The following ATP6V1H variants were observed in gnomAD, a reference collection of about 807,000 sequenced individuals.
ATP6V1H encodes the protein ATPase H+ transporting V1 subunit H, also known as V-type proton ATPase subunit H.
A neutral mutation model predicts 71.7 loss-of-function variants in ATP6V1H; 39 were observed. That is an observed-to-expected ratio of 0.54 (90% CI 0.42 to 0.71). ATP6V1H has a LOEUF of 0.71. Among genes scored for constraint, ATP6V1H ranks in the 30% least tolerant of loss-of-function variants. The pLI, the probability that ATP6V1H is intolerant of heterozygous loss-of-function variation, is 0.00. For missense variants in ATP6V1H, 509 were observed against 594.9 expected, an observed-to-expected ratio of 0.86 and a Z score of 1.50; for synonymous variants, 192 against 199.3, an observed-to-expected ratio of 0.96 and a Z score of 0.31.
chr8:53,770,576 C>T (rs1808619101), intron 10 of ATP6V1H, among the ~76,000 whole-genome samples: 2 of 152,062 alleles, frequency 1.3e-5, no homozygotes, highest in South Asian at 4.2e-4. Flanking sequence ...TAATGTAGGG[C>T]CAGTTAGTAT....
At chr8:53,782,171 G>A (rs1304967355) in intron 9 of ATP6V1H, among the ~76,000 whole-genome samples, 2 of 152,230 alleles carry the variant, frequency 1.3e-5, no homozygotes, top group East Asian at 3.9e-4. Flanking sequence ...TCCTACCCAT[G>A]AGCATGGAAT....
chr8:53,828,246 T>C (rs1810885626), intron 4 of ATP6V1H, among the ~76,000 whole-genome samples: 1 of 152,142 alleles, frequency 6.6e-6, no homozygotes, highest in Non-Finnish European at 1.5e-5. Flanking sequence ...TTTCTGTGTA[T>C]TTTAGGGTAG....
Position 53,715,967 on chromosome 8 carries a change from G to A in ATP6V1H, c.1449C>T (p.Ser483=), listed in dbSNP as rs1400184806. Residue 483 remains serine (S), a synonymous_variant, in exon 14 of 14, where the codon AGC becomes AGT. Transcript: ENST00000359530. ...GAGGGGAAGGCCAGAGGCAGGCTTA[G>A]CTTCGGGCGGCAGCGGTCTGGGGCT... The part of the protein sequence containing the change: ...SEQPQTAAAR[S] 1.9e-6 allele frequency: 3 copies of A among 1,607,898 alleles called. No individual in the cohort carries two copies. The highest frequency in any genetic ancestry group is 2.5e-6 in the Non-Finnish European group (3 of 1,177,954).
chr8:53,832,561 C>A (rs2130527746), intron 3 of ATP6V1H: 1 of 152,032 alleles, frequency 6.6e-6, no homozygotes, highest in East Asian at 1.9e-4. Flanking sequence ...ATGCCACCGC[C>A]AAAAAAATTT....
intron 13 of ATP6V1H, among the ~76,000 whole-genome samples, chr8:53,721,795 CAATTT>C (rs999587649): frequency 4.6e-5 from 7 of 152,318 alleles, no homozygotes; most frequent in South Asian, 2.1e-4. Flanking sequence ...TGCAAATCCT[CAATTT>C]ATTTTCTCAA....
At chr8:53,838,079 C>G (rs1811218442) in intron 2 of ATP6V1H, among the ~76,000 whole-genome samples, 1 of 152,002 alleles carries the variant, frequency 6.6e-6, no homozygotes, top group African/African-American at 2.4e-5. Context: ...GACCTCCCTT[C>G]CTAGATAACT....
intron 12 of ATP6V1H, among the ~76,000 whole-genome samples, chr8:53,746,765 A>T (rs1413552736): frequency 1.3e-5 from 2 of 151,984 alleles, no homozygotes; most frequent in Non-Finnish European, 2.9e-5. Context: ...CAATATCATG[A>T]ATGCTTGAAA....
chr8:53,829,439 C>T lies in ATP6V1H; in HGVS notation c.306+5G>A. 1 of 1,591,672 alleles carries T rather than the reference C, an allele frequency of 6.3e-7. No individual in the cohort carries two copies. Among genetic ancestry groups the T allele is most frequent in the Non-Finnish European group, 8.6e-7 (1 of 1,164,830 alleles). Reference sequence around the variant, plus strand: ...CCAAATGTGTTAAGTAAAGAATATACCTACCTGCAGCATATCATCCACCAT... The same window carrying T: ...CCAAATGTGTTAAGTAAAGAATATATCTACCTGCAGCATATCATCCACCAT... On this transcript the variant is annotated splice_donor_5th_base_variant and intron_variant, in intron 4 of 13. Coordinates refer to ENST00000359530, the MANE Select transcript of ATP6V1H (RefSeq NM_015941.4).
intron 7 of ATP6V1H, among the ~76,000 whole-genome samples, chr8:53,810,938 C>G (rs552451040): frequency 6.6e-6 from 1 of 152,112 alleles, no homozygotes; most frequent in South Asian, 2.1e-4. Flanking sequence ...CAAAAGTCAC[C>G]TGGAAAAAAG....
chr8:53,811,143 C>G lies in ATP6V1H; in HGVS notation c.579+21G>C, dbSNP rs778281269. On this transcript the variant is annotated intron_variant, in intron 7 of 13. Transcript: ENST00000359530. ...ATAATTTATTTTGGGGATGTTTAGG[C>G]CAGTGAAGGAATATACTTACATCAC... 5 of 1,606,472 alleles carry G rather than the reference C, an allele frequency of 3.1e-6. No individual in the cohort carries two copies. In the East Asian group the frequency reaches 1.1e-4, roughly 36 times the overall value.
intron 2 of ATP6V1H, among the ~76,000 whole-genome samples, chr8:53,836,938 C>G (rs1185770676): frequency 6.6e-6 from 1 of 152,104 alleles, no homozygotes; most frequent in Middle Eastern, 3.4e-3. Context: ...GTCAAGAGTT[C>G]GAGACCAGCC....
chr8:53,789,858 A>G (rs1809514197), intron 9 of ATP6V1H, among the ~76,000 whole-genome samples: 1 of 152,234 alleles, frequency 6.6e-6, no homozygotes, highest in Admixed American at 6.5e-5. Flanking sequence ...TCACTTCCAC[A>G]TTAACTAATT....
At position 53,822,485 on chromosome 8, in the gene ATP6V1H, CAG is replaced by C. The variant is rs1221886251; in HGVS notation, c.307-4957_307-4956del. On this transcript the variant is annotated intron_variant, in intron 4 of 13. Transcript: ENST00000359530. ...CAAGTGAAATTATAAATGAATAAAACAGGGGATTAACAGCATTAAAGGGATAT... is the reference window on the plus strand; with the variant it reads ...CAAGTGAAATTATAAATGAATAAAACGGGATTAACAGCATTAAAGGGATAT... Among the ~76,000 whole-genome samples the C allele has an allele frequency of 5.3e-5, 8 of 151,778 alleles. No individual in the cohort carries two copies. The South Asian group carries it at 6.2e-4, about 12-fold the overall frequency.
At chr8:53,734,339 T>A (rs1288622924) in intron 13 of ATP6V1H, among the ~76,000 whole-genome samples, 1 of 152,160 alleles carries the variant, frequency 6.6e-6, no homozygotes, top group East Asian at 1.9e-4. Flanking sequence ...GACTGGGAGC[T>A]GTATGTGGAT....
Position 53,815,842 on chromosome 8 carries a change from C to CA in ATP6V1H, c.421-1077dup, listed in dbSNP as rs529674592. Reference sequence around the variant, plus strand: ...GCATAAGCTAGCATAAGCTCTTTATCAGCACATGGTTAAACCAATGGGAGT... The same window carrying CA: ...GCATAAGCTAGCATAAGCTCTTTATCAAGCACATGGTTAAACCAATGGGAGT... On this transcript the variant is annotated intron_variant, in intron 5 of 13. Transcript: ENST00000359530. Among the ~76,000 whole-genome samples the CA allele has an allele frequency of 2.3e-3, 344 of 152,328 alleles. 2 individuals carry two copies. Among genetic ancestry groups the CA allele is most frequent in the African/African-American group, 7.9e-3 (327 of 41,572 alleles).
At chr8:53,755,481 T>C (rs1393581891) in intron 12 of ATP6V1H, among the ~76,000 whole-genome samples, 1 of 142,688 alleles carries the variant, frequency 7.0e-6, no homozygotes, top group African/African-American at 2.6e-5. Flanking sequence ...CAAGCAGCCC[T>C]TTCCCTTATG....
intron 9 of ATP6V1H, among the ~76,000 whole-genome samples, chr8:53,773,857 T>C (rs1202837793): frequency 2.0e-5 from 3 of 151,974 alleles, no homozygotes; most frequent in African/African-American, 4.8e-5. Context: ...ATCCTAGAAG[T>C]AAAACTACAA....
chr8:53,755,914 C>T (rs1247659731), intron 12 of ATP6V1H, among the ~76,000 whole-genome samples: 19 of 128,246 alleles, frequency 1.5e-4, no homozygotes, highest in East Asian at 4.5e-4. Flanking sequence ...CCCGCCACTA[C>T]GCCCGGCTAA....
At chr8:53,755,685 C>CATATATATAT (rs869109436) in intron 12 of ATP6V1H, among the ~76,000 whole-genome samples, 1 of 24,256 alleles carries the variant, frequency 4.1e-5, no homozygotes, top group Non-Finnish European at 6.9e-5. Context: ...TACCAGCGTA[C>CATATATATAT]ATATATATAT....
Sources: allele counts gnomAD v4.1 joint callset (sites outside exome capture counted in the v4.1 genomes callset), GRCh38; gene constraint gnomAD v4.1.1; transcripts MANE v1.5; gene names NCBI Gene and HGNC (gene_info 2026-07-23, HGNC 2026-07-21).